The following UCK2 variants were observed in gnomAD, a reference collection of about 807,000 sequenced individuals.
The protein encoded by UCK2 is uridine-cytidine kinase 2.
A neutral mutation model predicts 30.8 loss-of-function variants in UCK2; 6 were observed. The ratio of observed to expected loss-of-function variants is 0.19; its 90% confidence interval spans 0.11 to 0.38. The LOEUF (loss-of-function observed/expected upper bound fraction) is 0.38. UCK2 is among the 10% of genes least tolerant of loss of function. The probability of loss-of-function intolerance (pLI) is 1.00; values close to 1 mark genes in which losing one functional copy is unlikely to be tolerated. For synonymous variants in UCK2, 125 were observed against 133.6 expected, an observed-to-expected ratio of 0.94 and a Z score of 0.45; for missense variants, 210 against 339.8, an observed-to-expected ratio of 0.62 and a Z score of 3.00.
chr1:165,831,769 A>C (rs1477493601), intron 1 of UCK2, among the ~76,000 whole-genome samples: 3 of 151,810 alleles, frequency 2.0e-5, no homozygotes, highest in Non-Finnish European at 4.4e-5. Context: ...TTTATTTTTT[A>C]TTTTATTTTT....
At chr1:165,827,997 G>C (rs1347153127) in intron 1 of UCK2, 65 bp downstream of exon 1, 4 of 1,187,510 alleles carry the variant, frequency 3.4e-6, no homozygotes, top group Non-Finnish European at 4.3e-6. Context: ...CATGTGGCCG[G>C]CGGCCGCGGG....
At chr1:165,892,500 C>T (rs1655796035) in intron 3 of UCK2, among the ~76,000 whole-genome samples, 1 of 152,152 alleles carries the variant, frequency 6.6e-6, no homozygotes, top group Non-Finnish European at 1.5e-5. Context: ...GCAAAGTTTC[C>T]CTGTCTCAGT....
At chr1:165,867,435 C>A (rs1278026541) in intron 1 of UCK2, among the ~76,000 whole-genome samples, 3 of 152,098 alleles carry the variant, frequency 2.0e-5, no homozygotes, top group Non-Finnish European at 4.4e-5. Flanking sequence ...GTCAATTTTA[C>A]CTTTCGACCC....
intron 1 of UCK2, among the ~76,000 whole-genome samples, chr1:165,833,442 T>C (rs796919781): frequency 3.7e-4 from 57 of 152,248 alleles, no homozygotes; most frequent in African/African-American, 1.3e-3. Context: ...GCACGATGTC[T>C]GGTAGAATGA....
At chr1:165,829,949 T>G (rs2101845356) in intron 1 of UCK2, among the ~76,000 whole-genome samples, 1 of 152,312 alleles carries the variant, frequency 6.6e-6, no homozygotes, top group East Asian at 1.9e-4. Context: ...AGCCTCAACC[T>G]GGAGTAACTG....
chr1:165,869,658 C>CTT (rs1557840808), intron 1 of UCK2, among the ~76,000 whole-genome samples: 2 of 66,792 alleles, frequency 3.0e-5, no homozygotes, highest in African/African-American at 1.0e-4. Context: ...TCATCATGGG[C>CTT]CTTTTTTTTT....
Position 165,907,903 on chromosome 1 carries a change from T to C in UCK2, c.*80T>C. 6.6e-7 allele frequency: 1 copy of C among 1,513,458 alleles called. No homozygotes were observed. The highest frequency in any genetic ancestry group is 8.9e-7 in the Non-Finnish European group (1 of 1,124,834). 93.8% of individuals were successfully genotyped at this position (1,513,458 alleles called of 1,614,324 possible). ...AGGCACTGCTCATCTGTACATACTG[T>C]TTCCTATGACATTACTGTATTTAAG... is the stretch of plus-strand genomic sequence containing the variant. On this transcript the variant is annotated 3_prime_UTR_variant, in exon 7 of 7. Transcript: ENST00000367879.
intron 1 of UCK2, among the ~76,000 whole-genome samples, chr1:165,872,100 G>T (rs1655209933): frequency 6.6e-6 from 1 of 151,816 alleles, no homozygotes; most frequent in Admixed American, 6.6e-5. Flanking sequence ...TTGAGACAGG[G>T]TCTTGCTCTT....
Position 165,855,021 on chromosome 1 carries a change from T to G in UCK2, c.99+27089T>G, listed in dbSNP as rs527896841. Among the ~76,000 whole-genome samples the G allele has an allele frequency of 3.3e-5, 5 of 152,332 alleles. No homozygotes were observed. The South Asian group carries it at 6.2e-4, about 19-fold the overall frequency. ...ATGACACTGAAAAGAGAGGGACATA[T>G]TCTGTAAAGTAGCTCACTGGGGGAA... On this transcript the variant is annotated intron_variant, in intron 1 of 6. Coordinates refer to ENST00000367879, the MANE Select transcript of UCK2 (RefSeq NM_012474.5).
intron 1 of UCK2, among the ~76,000 whole-genome samples, chr1:165,870,250 A>G (rs1488638401): frequency 2.1e-5 from 3 of 142,614 alleles, no homozygotes; most frequent in African/African-American, 7.9e-5. Context: ...TCCCAATACC[A>G]TTAGCTGGAC....
intron 1 of UCK2, among the ~76,000 whole-genome samples, chr1:165,844,572 G>A (rs1372214661): frequency 7.2e-5 from 11 of 152,190 alleles, no homozygotes; most frequent in Non-Finnish European, 8.8e-5. Context: ...CAAGATAACT[G>A]TGGTGGGCTC....
At chr1:165,902,524 A>G (rs1353462555) in intron 4 of UCK2, 2 of 148,694 alleles carry the variant, frequency 1.3e-5, no homozygotes, top group South Asian at 2.1e-4. Context: ...TTTGTTGTCA[A>G]TTTGGGCTTC....
At chr1:165,891,391 ACCT>A in intron 3 of UCK2, 69 bp downstream of exon 3, 3 of 1,424,682 alleles carry the variant, frequency 2.1e-6, no homozygotes, top group Non-Finnish European at 3.0e-6. Flanking sequence ...CTGCACTGAG[ACCT>A]CCTTCCTTAC....
At chr1:165,834,995 G>C (rs1223310832) in intron 1 of UCK2, among the ~76,000 whole-genome samples, 1 of 151,938 alleles carries the variant, frequency 6.6e-6, no homozygotes. Flanking sequence ...TATTTGGTCT[G>C]ACATTTTTAC....
chr1:165,871,802 T>G (rs1025976659), intron 1 of UCK2, among the ~76,000 whole-genome samples: 1 of 152,236 alleles, frequency 6.6e-6, no homozygotes, highest in African/African-American at 2.4e-5. Context: ...GTTAATCAGT[T>G]TAACTGCATC....
intron 1 of UCK2, among the ~76,000 whole-genome samples, chr1:165,857,270 G>A (rs142161723): frequency 4.1e-4 from 62 of 152,212 alleles, no homozygotes; most frequent in African/African-American, 8.9e-4. Flanking sequence ...AGCTGATCAC[G>A]GTCCACTGTA....
At chr1:165,897,027 G>C (rs1460289111) in intron 4 of UCK2, among the ~76,000 whole-genome samples, 1 of 152,222 alleles carries the variant, frequency 6.6e-6, no homozygotes, top group Admixed American at 6.5e-5. Flanking sequence ...GAGGAAGAAG[G>C]GTTGGGACTT....
chr1:165,883,783 C>T (rs10918302), intron 1 of UCK2, among the ~76,000 whole-genome samples: 28,050 of 152,046 alleles, frequency 0.18, 2,927 homozygotes, highest in South Asian at 0.39. Context: ...TCGTTCTTCA[C>T]AATAAATCTT....
intron 1 of UCK2, among the ~76,000 whole-genome samples, chr1:165,855,816 T>C (rs1654729754): frequency 6.6e-6 from 1 of 151,928 alleles, no homozygotes; most frequent in Admixed American, 6.6e-5. Flanking sequence ...CTCTGGAGAG[T>C]TGGAACCCTG....
Sources: gnomAD v4.1 joint callset for allele counts (sites outside exome capture counted in the v4.1 genomes callset) on GRCh38, gnomAD v4.1.1 for gene constraint, MANE v1.5 for transcripts, NCBI Gene and HGNC (gene_info 2026-07-23, HGNC 2026-07-21) for gene names.